SPTLC2: variants seen among roughly 807,000 people sequenced by gnomAD.
The protein encoded by SPTLC2 is serine palmitoyltransferase long chain base subunit 2.
In SPTLC2, 21 loss-of-function variants were observed where a neutral mutation model predicts 62.0. The observed-to-expected ratio is 0.34, with a 90% CI of 0.24 to 0.49. SPTLC2 has a LOEUF of 0.49. SPTLC2 is among the 20% of genes least tolerant of loss of function. SPTLC2 has a pLI of 0.99. For synonymous variants in SPTLC2, 261 were observed against 261.8 expected (o/e 1.00, Z 0.03); for missense variants, 511 against 713.0 (o/e 0.72, Z 3.23).
chr14:77,548,910 C>T (rs1252295802), intron 9 of SPTLC2, among the ~76,000 whole-genome samples: 1 of 152,154 alleles, frequency 6.6e-6, no homozygotes, highest in Non-Finnish European at 1.5e-5. Flanking sequence ...AAACATTTAA[C>T]AATAAGCAAC....
At chr14:77,613,344 G>A (rs1297244449) in intron 1 of SPTLC2, among the ~76,000 whole-genome samples, 3 of 152,196 alleles carry the variant, frequency 2.0e-5, no homozygotes, top group African/African-American at 2.4e-5. Flanking sequence ...AGTTTCCCTC[G>A]GGCAAATTGC....
intron 3 of SPTLC2, among the ~76,000 whole-genome samples, chr14:77,578,489 G>A (rs1395793542): frequency 2.6e-5 from 4 of 152,030 alleles, no homozygotes; most frequent in Non-Finnish European, 5.9e-5. Flanking sequence ...GGCTGAGGGG[G>A]ACAGATCACT....
intron 10 of SPTLC2, among the ~76,000 whole-genome samples, chr14:77,520,100 ACAGT>A (rs1403253983): frequency 6.6e-6 from 1 of 151,890 alleles, no homozygotes; most frequent in African/African-American, 2.4e-5. Flanking sequence ...TAAAGTGTAC[ACAGT>A]CAGTTGCACC....
intron 9 of SPTLC2, among the ~76,000 whole-genome samples, chr14:77,522,455 G>A (rs1040224726): frequency 5.9e-5 from 9 of 152,150 alleles, no homozygotes; most frequent in African/African-American, 2.2e-4. Flanking sequence ...GAGCCACCGC[G>A]CCTAGCCTGT....
intron 4 of SPTLC2, among the ~76,000 whole-genome samples, chr14:77,575,455 G>T (rs2079709703): frequency 6.6e-6 from 1 of 152,160 alleles, no homozygotes; most frequent in Admixed American, 6.5e-5. Context: ...CGACGCTTTG[G>T]CCAATAGAAG....
intron 9 of SPTLC2, among the ~76,000 whole-genome samples, chr14:77,528,300 C>T (rs1001001883): frequency 2.0e-4 from 31 of 151,864 alleles, no homozygotes; most frequent in Admixed American, 2.0e-3. Flanking sequence ...GGCGCGATCT[C>T]GGCTCATAGC....
In SPTLC2 at chr14:77,555,301, T is replaced by C. The variant is rs2079576648; in HGVS notation, c.1175A>G (p.Lys392Arg). The change falls in exon 8 of 12, where the codon AAG becomes AGG. Residue 392 changes from lysine to arginine, a missense_variant and splice_region_variant. Lys to Arg is a conservative substitution (Grantham distance 26, BLOSUM62 2). Transcript: ENST00000216484. ...GASGGYIGGK[K>R]ELIDYLRTHS... ...CGCTCATTCTCATGGCTCGTTTACCTTCTTGCCTCCAATATATCCTCCAGA... is the reference window on the plus strand; with the variant it reads ...CGCTCATTCTCATGGCTCGTTTACCCTCTTGCCTCCAATATATCCTCCAGA... 1.5e-5 allele frequency: 24 copies of C among 1,614,126 alleles called. No individual in the cohort carries two copies. Among genetic ancestry groups the C allele is most frequent in the Non-Finnish European group, 2.0e-5 (24 of 1,180,018 alleles).
intron 9 of SPTLC2, among the ~76,000 whole-genome samples, chr14:77,542,618 C>G (rs2079507330): frequency 6.6e-6 from 1 of 152,188 alleles, no homozygotes; most frequent in South Asian, 2.1e-4. Context: ...GCCGGGGCCA[C>G]TGTCAAGCTA....
At chr14:77,534,961 C>G (rs2079461587) in intron 9 of SPTLC2, among the ~76,000 whole-genome samples, 1 of 151,738 alleles carries the variant, frequency 6.6e-6, no homozygotes, top group African/African-American at 2.4e-5. Flanking sequence ...GAGTTTCGCT[C>G]TTGTTGCCCA....
chr14:77,517,231 A>G lies in SPTLC2; in HGVS notation c.1569+807T>C, dbSNP rs189506249. Among the ~76,000 whole-genome samples, 127 of 152,358 alleles carry G rather than the reference A, an allele frequency of 8.3e-4. 1 individual carries two copies. The highest frequency in any genetic ancestry group is 3.0e-3 in the African/African-American group (123 of 41,578). ...GCACTCCAGCCTGGGCAACAAGGGC[A>G]AAACTCTCTCTCAAAAAAGAAAAAA... On this transcript the variant is annotated intron_variant, in intron 11 of 11. Transcript: ENST00000216484.
intron 9 of SPTLC2, among the ~76,000 whole-genome samples, chr14:77,548,419 A>G (rs917243476): frequency 1.3e-5 from 2 of 152,250 alleles, no homozygotes; most frequent in Non-Finnish European, 2.9e-5. Context: ...TGGAAAATGG[A>G]AAAGCAAAAT....
chr14:77,514,180 AAAT>A (rs1004272159), intron 11 of SPTLC2, among the ~76,000 whole-genome samples: 4 of 152,130 alleles, frequency 2.6e-5, no homozygotes, highest in East Asian at 1.9e-4. Flanking sequence ...CCCTGCCTCA[AAAT>A]AATAATAATA....
chr14:77,572,102 A>C lies in SPTLC2; in HGVS notation c.632-1594T>G, dbSNP rs184392670. On this transcript the variant is annotated intron_variant, in intron 4 of 11. Transcript: ENST00000216484. Reference sequence around the variant, plus strand: ...CGCATCCAGCCGAGCACTTTATAAAATATCAAATGCCATAAAGGCATAATG... The same window carrying C: ...CGCATCCAGCCGAGCACTTTATAAACTATCAAATGCCATAAAGGCATAATG... 2.0e-5 allele frequency among the ~76,000 whole-genome samples: 3 copies of C among 152,326 alleles called. No homozygotes were observed. In the East Asian group the frequency reaches 5.8e-4, roughly 29 times the overall value.
Position 77,518,105 on chromosome 14 carries a change from G to A in SPTLC2, c.1502C>T (p.Thr501Ile). 6.2e-7 allele frequency: 1 copy of A among 1,614,124 alleles called. No homozygotes were observed. The highest frequency in any genetic ancestry group is 8.5e-7 in the Non-Finnish European group (1 of 1,180,030). Residue 501 changes from threonine (T) to isoleucine (I), a missense_variant, in exon 11 of 12, where the codon ACC becomes ATC. By Grantham distance (89) the Thr-to-Ile change is moderately conservative (BLOSUM62 -1). Transcript: ENST00000216484. ...IGVVVVGFPA[T>I]PIIESRARFC... is the part of the protein sequence containing the mutation. ...CCTGGCTCTGGACTCAATAATTGGGGTGGCAGGAAATCCAACCACAACGAC... is the reference window on the plus strand; with the variant it reads ...CCTGGCTCTGGACTCAATAATTGGGATGGCAGGAAATCCAACCACAACGAC...
chr14:77,516,633 TAAAG>T (rs1428021790), intron 11 of SPTLC2, among the ~76,000 whole-genome samples: 4 of 151,514 alleles, frequency 2.6e-5, no homozygotes, highest in Non-Finnish European at 5.9e-5. Flanking sequence ...ATAATCAAAA[TAAAG>T]AAAAAAAAGA....
At chr14:77,516,621 G>C (rs911862145) in intron 11 of SPTLC2, among the ~76,000 whole-genome samples, 10 of 152,050 alleles carry the variant, frequency 6.6e-5, no homozygotes, top group African/African-American at 2.4e-4. Flanking sequence ...AATCTGACAG[G>C]CATAATCAAA....
intron 1 of SPTLC2, among the ~76,000 whole-genome samples, chr14:77,606,741 C>T (rs985953211): frequency 5.3e-5 from 8 of 152,130 alleles, no homozygotes; most frequent in Non-Finnish European, 1.0e-4. Flanking sequence ...AATCCCAACA[C>T]TTTGGGAGGC....
chr14:77,610,415 T>G (rs970879482), intron 1 of SPTLC2, among the ~76,000 whole-genome samples: 1 of 152,192 alleles, frequency 6.6e-6, no homozygotes, highest in African/African-American at 2.4e-5. Flanking sequence ...GTGCTGGGAT[T>G]ACAGGCGTGA....
rs147385464 is a variant in SPTLC2 at position 77,608,880 on chromosome 14, T to C, written c.132+7568A>G. 8.0e-3 allele frequency among the ~76,000 whole-genome samples: 1,212 copies of C among 150,830 alleles called. 13 individuals are homozygous for C. Among genetic ancestry groups the C allele is most frequent in the African/African-American group, 0.028 (1,161 of 41,118 alleles). ...TTGCAGTGAGCCGAGATCACATCAC[T>C]GCACTCCAGCCTGGGTGACAGATTG... On this transcript the variant is annotated intron_variant, in intron 1 of 11. Coordinates refer to ENST00000216484, the MANE Select transcript of SPTLC2 (RefSeq NM_004863.4).
Sources: gnomAD v4.1 joint callset for allele counts (sites outside exome capture counted in the v4.1 genomes callset) on GRCh38, gnomAD v4.1.1 for gene constraint, MANE v1.5 for transcripts, NCBI Gene and HGNC (gene_info 2026-07-23, HGNC 2026-07-21) for gene names.